The following ESRRG variants were observed in gnomAD, a reference collection of about 807,000 sequenced individuals.
ESRRG encodes estrogen-related receptor gamma.
In ESRRG, 13 loss-of-function variants were observed where a neutral mutation model predicts 44.0. The ratio of observed to expected loss-of-function variants is 0.30; its 90% confidence interval spans 0.19 to 0.47. ESRRG has a LOEUF of 0.47. ESRRG is among the 20% of genes least tolerant of loss of function. The pLI is 1.00. For missense variants in ESRRG, 395 were observed against 580.6 expected (o/e 0.68, Z 3.29); for synonymous variants, 215 against 214.6 (o/e 1.00, Z -0.02).
chr1:217,020,427 C>T (rs2080108097), intron 1 of ESRRG, among the ~76,000 whole-genome samples: 1 of 152,158 alleles, frequency 6.6e-6, no homozygotes, highest in Non-Finnish European at 1.5e-5. Context: ...GAAACTGAGA[C>T]TTGAAAGGTA....
rs5780916 is a variant in ESRRG at position 216,735,979 on chromosome 1, C to CAAAAAAA, written c.-13-58495_-13-58489dup. 1.5e-3 allele frequency among the ~76,000 whole-genome samples: 176 copies of CAAAAAAA among 115,524 alleles called. 3 individuals carry two copies. The highest frequency in any genetic ancestry group is 0.014 in the East Asian group (50 of 3,600). 75.8% of individuals were successfully genotyped at this position (115,524 alleles called of 152,430 possible). A position where few individuals can be genotyped will look rare whatever the true frequency, so the allele number is the denominator to read the frequency against. On this transcript the variant is annotated intron_variant, in intron 2 of 7. Transcript: ENST00000359162. ...GGCGACAGAGCAATACTCCCCATCT[C>CAAAAAAA]AAAAAAAAATATATATATATATATA...
At position 216,567,842 on chromosome 1, in the gene ESRRG, A is replaced by G. The variant is rs2059961074; in HGVS notation, c.700+146T>C. The G allele has an allele frequency of 5.0e-6, 3 of 597,330 alleles. No individual in the cohort carries two copies. In the South Asian group the frequency reaches 6.0e-5, roughly 12 times the overall value. 37.0% of individuals were successfully genotyped at this position (597,330 alleles called of 1,614,324 possible). A position where few individuals can be genotyped will look rare whatever the true frequency, so the allele number is the denominator to read the frequency against. ...GCTGAGTTGCTGTCGCTCCTCACAG[A>G]CAATCTTTGGGAATAGAGCCACTGT... On this transcript the variant is annotated intron_variant, in intron 4 of 6. Coordinates refer to ENST00000408911, the MANE Select transcript of ESRRG (RefSeq NM_001438.4).
rs140405140 is a variant in ESRRG at position 216,703,961 on chromosome 1, AC to A, written c.56+19282del. On this transcript the variant is annotated intron_variant, in intron 1 of 6. Coordinates refer to ENST00000408911, the MANE Select transcript of ESRRG (RefSeq NM_001438.4). ...AAATGCAGGTAAAAAGGAATCAATC[AC>A]CTCAAAGACTTTTTGGGAAAAGGCT... is the stretch of plus-strand genomic sequence containing the variant. Among the ~76,000 whole-genome samples the A allele has an allele frequency of 1.8e-3, 279 of 152,262 alleles. 3 individuals carry two copies. Among genetic ancestry groups the A allele is most frequent in the African/African-American group, 6.6e-3 (274 of 41,540 alleles).
At chr1:216,704,769 T>A (rs1449945367) in intron 1 of ESRRG, among the ~76,000 whole-genome samples, 1 of 151,010 alleles carries the variant, frequency 6.6e-6, no homozygotes, top group Non-Finnish European at 1.5e-5. Context: ...AGGAGTAGAT[T>A]TTTTTTAAAT....
chr1:216,824,044 G>A (rs1403996937), intron 2 of ESRRG, among the ~76,000 whole-genome samples: 1 of 152,092 alleles, frequency 6.6e-6, no homozygotes, highest in African/African-American at 2.4e-5. Context: ...CAGTAATGAT[G>A]AAGCAAAGTC....
intron 1 of ESRRG, chr1:216,701,615 A>C (rs982592667): frequency 6.6e-6 from 1 of 152,272 alleles, no homozygotes; most frequent in South Asian, 2.1e-4. Context: ...TCACCAGGCC[A>C]TGCTGACTGT....
intron 1 of ESRRG, among the ~76,000 whole-genome samples, chr1:216,687,379 A>G (rs1401445506): frequency 6.6e-6 from 1 of 152,118 alleles, no homozygotes; most frequent in Non-Finnish European, 1.5e-5. Flanking sequence ...GGAGCTGTTG[A>G]GTTGTTACTA....
At chr1:216,534,304 T>G (rs1498293) in intron 5 of ESRRG, among the ~76,000 whole-genome samples, 119 of 152,240 alleles carry the variant, frequency 7.8e-4, no homozygotes, top group African/African-American at 2.6e-3. Flanking sequence ...AGGGTGTCCA[T>G]GAGCATTGTA....
At chr1:216,508,318 A>C (rs983775672) in intron 6 of ESRRG, among the ~76,000 whole-genome samples, 1 of 152,250 alleles carries the variant, frequency 6.6e-6, no homozygotes, top group African/African-American at 2.4e-5. Flanking sequence ...TGTTTTTTTC[A>C]CTTACATTGT....
intron 3 of ESRRG, among the ~76,000 whole-genome samples, chr1:216,590,614 T>G (rs1391275090): frequency 6.6e-6 from 1 of 152,176 alleles, no homozygotes; most frequent in African/African-American, 2.4e-5. Context: ...GTGCTAAAGA[T>G]CTGGTTAGAA....
intron 2 of ESRRG, among the ~76,000 whole-genome samples, chr1:216,791,526 A>T (rs931994775): frequency 1.3e-5 from 2 of 152,110 alleles, no homozygotes; most frequent in Non-Finnish European, 2.9e-5. Flanking sequence ...GAAAGATTTG[A>T]TCTCTGAAAA....
intron 2 of ESRRG, among the ~76,000 whole-genome samples, chr1:216,856,914 T>G (rs954230819): frequency 6.6e-6 from 1 of 152,208 alleles, no homozygotes; most frequent in African/African-American, 2.4e-5. Flanking sequence ...ACTATGTCTT[T>G]TTTTAAAAAT....
intron 1 of ESRRG, among the ~76,000 whole-genome samples, chr1:217,044,336 C>T (rs2084452563): frequency 6.6e-6 from 1 of 152,114 alleles, no homozygotes. Context: ...CCATGGGGAC[C>T]CTCCTGCCAT....
At chr1:216,767,813 GA>G (rs2093158743) in intron 2 of ESRRG, among the ~76,000 whole-genome samples, 1 of 152,102 alleles carries the variant, frequency 6.6e-6, no homozygotes, top group Non-Finnish European at 1.5e-5. Flanking sequence ...AAAATGGGTA[GA>G]AAAAGTGTGG....
intron 1 of ESRRG, among the ~76,000 whole-genome samples, chr1:217,061,061 CT>C (rs965688679): frequency 1.8e-4 from 27 of 151,790 alleles, no homozygotes; most frequent in Middle Eastern, 3.4e-3. Flanking sequence ...TGGATTTGTG[CT>C]TTTTTCCCCC....
chr1:216,553,206 G>T (rs2056809654), intron 5 of ESRRG, among the ~76,000 whole-genome samples: 1 of 152,124 alleles, frequency 6.6e-6, no homozygotes, highest in African/African-American at 2.4e-5. Flanking sequence ...TGCAGCCCAG[G>T]CCACCATGTG....
At chr1:217,048,939 C>CT (rs1358894559) in intron 1 of ESRRG, among the ~76,000 whole-genome samples, 1 of 152,126 alleles carries the variant, frequency 6.6e-6, no homozygotes, top group African/African-American at 2.4e-5. Context: ...CCATGTCTTC[C>CT]TTTGCCCATT....
intron 2 of ESRRG, among the ~76,000 whole-genome samples, chr1:216,669,066 C>A (rs2074592670): frequency 6.6e-6 from 1 of 151,488 alleles, no homozygotes; most frequent in Non-Finnish European, 1.5e-5. Context: ...TGAATGCCCT[C>A]AAGCTCAGAG....
rs963259093 is a variant in ESRRG, at chr1:216,667,518, T to G, written c.472+9558A>C. 4.8e-4 allele frequency among the ~76,000 whole-genome samples: 73 copies of G among 151,840 alleles called. 1 individual carries two copies. Among genetic ancestry groups the G allele is most frequent in the African/African-American group, 1.6e-3 (68 of 41,404 alleles). On this transcript the variant is annotated intron_variant, in intron 2 of 6. Transcript: ENST00000408911. ...TTGGCAAACATGGTGAAACCCTGTCTCTACTAAAAGTACAAAAATTAGCCA... is the reference window on the plus strand; with the variant it reads ...TTGGCAAACATGGTGAAACCCTGTCGCTACTAAAAGTACAAAAATTAGCCA...
Sources: allele counts gnomAD v4.1 joint callset (sites outside exome capture counted in the v4.1 genomes callset), GRCh38; gene constraint gnomAD v4.1.1; transcripts MANE v1.5; gene names NCBI Gene and HGNC (gene_info 2026-07-23, HGNC 2026-07-21).